SYNPR: variants seen among roughly 807,000 people sequenced by gnomAD.
SYNPR encodes the protein synaptoporin.
In SYNPR, 23 loss-of-function variants were observed where a neutral mutation model predicts 32.9. The observed-to-expected ratio is 0.70, with a 90% CI of 0.50 to 0.99. The LOEUF is 0.99. Among genes scored for constraint, SYNPR ranks in the 50% least tolerant of loss-of-function variants. The pLI is 0.00. For synonymous variants in SYNPR, 146 were observed against 135.9 expected (o/e 1.07, Z -0.52); for missense variants, 318 against 349.3 (o/e 0.91, Z 0.71).
chr3:63,289,542 C>A (rs2367782), intron 2 of SYNPR: 70,617 of 152,772 alleles, frequency 0.46, 16,541 homozygotes, highest in Middle Eastern at 0.52. Context: ...CCAGCTCTCA[C>A]AGGAACTAAC....
intron 4 of SYNPR, among the ~76,000 whole-genome samples, chr3:63,585,444 T>A (rs1250555768): frequency 3.6e-5 from 1 of 27,874 alleles, no homozygotes; most frequent in Non-Finnish European, 6.3e-5. Flanking sequence ...CTTCTGTATA[T>A]CCATGCCCCC....
chr3:63,252,070 G>C (rs1325480222), intron 1 of SYNPR, among the ~76,000 whole-genome samples: 1 of 151,838 alleles, frequency 6.6e-6, no homozygotes, highest in Middle Eastern at 3.2e-3. Context: ...TAAAAATAAA[G>C]AGGCAAGTAA....
chr3:63,256,239 A>G (rs771139892), intron 2 of SYNPR, among the ~76,000 whole-genome samples: 7 of 152,216 alleles, frequency 4.6e-5, no homozygotes, highest in Non-Finnish European at 7.3e-5. Context: ...CCCAGCACGC[A>G]GCTGGAGATA....
At chr3:63,265,325 C>T (rs1221501048) in intron 2 of SYNPR, among the ~76,000 whole-genome samples, 3 of 142,038 alleles carry the variant, frequency 2.1e-5, no homozygotes, top group Non-Finnish European at 3.0e-5. Context: ...AATCTTGGCT[C>T]AATGCAAACT....
At chr3:63,608,945 GAT>G (rs1175142044) in intron 4 of SYNPR, among the ~76,000 whole-genome samples, 178 bp from the exon 5 acceptor site, 1 of 151,998 alleles carries the variant, frequency 6.6e-6, no homozygotes, top group Non-Finnish European at 1.5e-5. Context: ...TTTATAGAAA[GAT>G]AAATATAATA....
intron 1 of SYNPR, among the ~76,000 whole-genome samples, chr3:63,230,193 C>G (rs2086156554): frequency 6.6e-6 from 1 of 152,086 alleles, no homozygotes; most frequent in Non-Finnish European, 1.5e-5. Context: ...GTTTTGATGT[C>G]CCAGAAATGA....
intron 2 of SYNPR, among the ~76,000 whole-genome samples, chr3:63,471,787 G>A (rs1427570543): frequency 6.6e-6 from 1 of 152,168 alleles, no homozygotes; most frequent in African/African-American, 2.4e-5. Context: ...AAGGAGATGG[G>A]ACAAGAGGGG....
intron 4 of SYNPR, among the ~76,000 whole-genome samples, chr3:63,588,887 G>A (rs1451497759): frequency 6.6e-6 from 1 of 152,020 alleles, no homozygotes; most frequent in Admixed American, 6.6e-5. Context: ...AGGGTTGCAG[G>A]TGGGGAAGTA....
At chr3:63,339,484 A>G (rs1028463662) in intron 2 of SYNPR, among the ~76,000 whole-genome samples, 2 of 152,136 alleles carry the variant, frequency 1.3e-5, no homozygotes, top group African/African-American at 4.8e-5. Context: ...TAACATTACA[A>G]CCAAGATAAT....
chr3:63,360,902 T>C (rs1370485821), intron 2 of SYNPR, among the ~76,000 whole-genome samples: 1 of 152,164 alleles, frequency 6.6e-6, no homozygotes, highest in African/African-American at 2.4e-5. Flanking sequence ...GTGTGTGTGT[T>C]TGCGTCTATT....
At chr3:63,286,795 T>C (rs2086688390) in intron 2 of SYNPR, among the ~76,000 whole-genome samples, 1 of 151,084 alleles carries the variant, frequency 6.6e-6, no homozygotes, top group Non-Finnish European at 1.5e-5. Flanking sequence ...GGGGGCAATA[T>C]CTCCTGCCTA....
chr3:63,335,483 G>A (rs114268065), intron 2 of SYNPR, among the ~76,000 whole-genome samples: 2,574 of 152,184 alleles, frequency 0.017, 80 homozygotes, highest in African/African-American at 0.058. Flanking sequence ...TGAAAGTCCA[G>A]GAGATTTCCA....
chr3:63,501,638 CTT>C (rs1701484539), intron 3 of SYNPR, among the ~76,000 whole-genome samples: 1 of 152,014 alleles, frequency 6.6e-6, no homozygotes, highest in South Asian at 2.1e-4. Context: ...TCATCATCAG[CTT>C]TTGTTATCTC....
chr3:63,464,203 A>AT (rs1002018493), intron 2 of SYNPR, among the ~76,000 whole-genome samples: 2 of 151,774 alleles, frequency 1.3e-5, no homozygotes, highest in African/African-American at 4.8e-5. Flanking sequence ...TTTTTCTCTA[A>AT]TTTTTTTTCC....
At chr3:63,597,474 G>C (rs746616330) in intron 4 of SYNPR, among the ~76,000 whole-genome samples, 1 of 152,112 alleles carries the variant, frequency 6.6e-6, no homozygotes, top group Non-Finnish European at 1.5e-5. Context: ...TGTTAACTAA[G>C]CATTGAAAAT....
intron 3 of SYNPR, among the ~76,000 whole-genome samples, chr3:63,511,216 T>G (rs1701693874): frequency 6.6e-6 from 1 of 151,916 alleles, no homozygotes; most frequent in South Asian, 2.1e-4. Flanking sequence ...CGGGCTGGGG[T>G]GCTCAGAGGT....
chr3:63,581,302 A>T (rs1358931975), intron 4 of SYNPR, among the ~76,000 whole-genome samples: 1 of 137,336 alleles, frequency 7.3e-6, no homozygotes, highest in African/African-American at 2.6e-5. Context: ...AGGTTGGTGG[A>T]GGAGGGAGGT....
intron 2 of SYNPR, among the ~76,000 whole-genome samples, chr3:63,462,684 T>C (rs2106658208): frequency 6.6e-6 from 1 of 152,300 alleles, no homozygotes; most frequent in Admixed American, 6.5e-5. Context: ...GGGCTGAGAT[T>C]TATCTCTTTG....
intron 3 of SYNPR, among the ~76,000 whole-genome samples, chr3:63,481,878 T>C (rs1707073394): frequency 6.6e-6 from 1 of 152,132 alleles, no homozygotes; most frequent in Admixed American, 6.6e-5. Flanking sequence ...GCTGGGATGC[T>C]TGGTAACATT....
Sources: gnomAD v4.1 joint callset for allele counts (sites outside exome capture counted in the v4.1 genomes callset) on GRCh38, gnomAD v4.1.1 for gene constraint, MANE v1.5 for transcripts, NCBI Gene and HGNC (gene_info 2026-07-23, HGNC 2026-07-21) for gene names.